PTPRC: variants seen among roughly 807,000 people sequenced by gnomAD.
The protein encoded by PTPRC is receptor-type tyrosine-protein phosphatase C.
In PTPRC, 44 loss-of-function variants were observed where a neutral mutation model predicts 155.9. That is an observed-to-expected ratio of 0.28 (90% CI 0.22 to 0.36). PTPRC has a LOEUF of 0.36. Among genes scored for constraint, PTPRC ranks in the 10% least tolerant of loss-of-function variants. The pLI, the probability that PTPRC is intolerant of heterozygous loss-of-function variation, is 1.00. For missense variants in PTPRC, 1,401 were observed against 1,564.6 expected (o/e 0.90, Z 1.76); for synonymous variants, 525 against 533.1 (o/e 0.98, Z 0.21).
chr1:198,662,729 T>C (rs1207574016), intron 2 of PTPRC, among the ~76,000 whole-genome samples: 1 of 152,180 alleles, frequency 6.6e-6, no homozygotes, highest in African/African-American at 2.4e-5. Context: ...TCCTTTCTCC[T>C]TTCCTAAAAT....
chr1:198,677,463 TA>T (rs1557989192), intron 2 of PTPRC, among the ~76,000 whole-genome samples: 1 of 151,862 alleles, frequency 6.6e-6, no homozygotes, highest in East Asian at 1.9e-4. Flanking sequence ...GCCACATTGC[TA>T]TTTTTTTTTT....
At chr1:198,639,995 G>C (rs556001295) in intron 2 of PTPRC, among the ~76,000 whole-genome samples, 1 of 151,970 alleles carries the variant, frequency 6.6e-6, no homozygotes, top group African/African-American at 2.4e-5. Context: ...TGGAGCCACC[G>C]CCCTTCCTGG....
In PTPRC at chr1:198,662,444, CTGTGTGTGTG is replaced by C. The variant is rs5779935; in HGVS notation, c.73+23128_73+23137del. Among the ~76,000 whole-genome samples the C allele has an allele frequency of 2.0e-3, 268 of 131,244 alleles. 1 individual carries two copies. Among genetic ancestry groups the C allele is most frequent in the African/African-American group, 6.9e-3 (238 of 34,706 alleles). 86.1% of individuals were successfully genotyped at this position (131,244 alleles called of 152,430 possible). A position where few individuals can be genotyped will look rare whatever the true frequency, so the allele number is the denominator to read the frequency against. On this transcript the variant is annotated intron_variant, in intron 2 of 32. Coordinates refer to ENST00000442510, the MANE Select transcript of PTPRC (RefSeq NM_002838.5). ...ATTTTGGCTGGGAATTTTCTGAGAGCTGTGTGTGTGTGTGTGTGTGTGTGTGTGTGTGTGA... is the reference window on the plus strand; with the variant it reads ...ATTTTGGCTGGGAATTTTCTGAGAGCTGTGTGTGTGTGTGTGTGTGTGTGA...
At chr1:198,695,179 A>G (rs1256438321) in intron 3 of PTPRC, 1 of 844,120 alleles carries the variant, frequency 1.2e-6, no homozygotes, top group East Asian at 1.2e-4. Flanking sequence ...TTATCATACT[A>G]TTTCCATTTT....
intron 12 of PTPRC, among the ~76,000 whole-genome samples, chr1:198,715,234 CGCCTCA>C (rs1240876639): frequency 6.6e-6 from 1 of 151,816 alleles, no homozygotes; most frequent in Non-Finnish European, 1.5e-5. Context: ...GCCATTCTCC[CGCCTCA>C]GCCTCCCTAG....
chr1:198,752,233 G>C lies in PTPRC; in HGVS notation c.3208-16G>C, dbSNP rs1364048656. The C allele has an allele frequency of 6.2e-7, 1 of 1,608,738 alleles. No homozygotes were observed. ...CAAATAGGAAACAAATTGTTGAATTGTCTTCTTTTATCTAGGAAATCTGTG... is the reference window on the plus strand; with the variant it reads ...CAAATAGGAAACAAATTGTTGAATTCTCTTCTTTTATCTAGGAAATCTGTG... On this transcript the variant is annotated splice_polypyrimidine_tract_variant and intron_variant, in intron 29 of 32. Coordinates refer to ENST00000442510, the MANE Select transcript of PTPRC (RefSeq NM_002838.5).
At chr1:198,716,879 A>G in intron 13 of PTPRC, 39 bp downstream of exon 13, 1 of 1,596,068 alleles carries the variant, frequency 6.3e-7, no homozygotes, top group East Asian at 2.2e-5. Flanking sequence ...CATAAATGGT[A>G]AAAAGCAAGG....
intron 2 of PTPRC, among the ~76,000 whole-genome samples, chr1:198,662,984 G>A (rs1017510925): frequency 7.9e-5 from 12 of 152,102 alleles, no homozygotes; most frequent in African/African-American, 2.2e-4. Flanking sequence ...GCTGAATTAC[G>A]CCTGACCCCT....
intron 30 of PTPRC, 98 bp downstream of exon 30, chr1:198,752,469 T>C: frequency 6.5e-7 from 1 of 1,538,814 alleles, no homozygotes; most frequent in South Asian, 1.1e-5. Flanking sequence ...ATCATATAAA[T>C]AATGTTTCAG....
intron 14 of PTPRC, among the ~76,000 whole-genome samples, chr1:198,721,443 G>A (rs371944613): frequency 2.0e-5 from 3 of 151,816 alleles, no homozygotes; most frequent in South Asian, 2.1e-4. Context: ...TGTCTATATC[G>A]TTTGTCACTA....
intron 20 of PTPRC, among the ~76,000 whole-genome samples, chr1:198,733,867 C>A (rs1461006048): frequency 6.6e-6 from 1 of 151,630 alleles, no homozygotes; most frequent in Non-Finnish European, 1.5e-5. Flanking sequence ...TAAGAGTTGG[C>A]AGGATATAAA....
intron 26 of PTPRC, among the ~76,000 whole-genome samples, chr1:198,746,898 T>C (rs928253634): frequency 6.6e-6 from 1 of 151,792 alleles, no homozygotes; most frequent in Admixed American, 6.6e-5. Context: ...AGTGATGATA[T>C]TTTCTTTCAC....
In PTPRC at chr1:198,690,727, A is replaced by G. The variant is rs74134784; in HGVS notation, c.74-1620A>G. ...ATAAAGGCAGAAAGTCACCTTAAGT[A>G]CCAGCTAATTCACTTTCCCATCTGA... is the stretch of plus-strand genomic sequence containing the variant. On this transcript the variant is annotated intron_variant, in intron 2 of 32. Coordinates refer to ENST00000442510, the MANE Select transcript of PTPRC (RefSeq NM_002838.5). Among the ~76,000 whole-genome samples, 539 of 152,222 alleles carry G rather than the reference A, an allele frequency of 3.5e-3. 3 individuals carry two copies. Among genetic ancestry groups the G allele is most frequent in the African/African-American group, 0.013 (520 of 41,562 alleles).
At chr1:198,748,058 G>GC (rs760081204) in intron 26 of PTPRC, 51 bp from the exon 27 acceptor site, 2 of 1,549,504 alleles carry the variant, frequency 1.3e-6, no homozygotes, top group South Asian at 2.4e-5. Flanking sequence ...GATGCAATAA[G>GC]CCAATATTTA....
At chr1:198,739,791 G>A (rs1654815612) in intron 23 of PTPRC, among the ~76,000 whole-genome samples, 1 of 151,634 alleles carries the variant, frequency 6.6e-6, no homozygotes, top group African/African-American at 2.4e-5. Context: ...CTTCTCCTCA[G>A]CCCATGGATC....
chr1:198,665,590 G>A (rs150400020), intron 2 of PTPRC, among the ~76,000 whole-genome samples: 1 of 152,174 alleles, frequency 6.6e-6, no homozygotes, highest in African/African-American at 2.4e-5. Flanking sequence ...GAGGTAACTG[G>A]GGTAACTATA....
chr1:198,756,282 T>C lies in PTPRC; in HGVS notation c.*101T>C, dbSNP rs1013426373. On this transcript the variant is annotated 3_prime_UTR_variant, in exon 33 of 33. Coordinates refer to ENST00000442510, the MANE Select transcript of PTPRC (RefSeq NM_002838.5). ...ATAGGTATACAGTGGATTAATTAAA[T>C]GCAGCGAACCAATATTTGTAGAAGG... 8.9e-5 allele frequency: 126 copies of C among 1,412,494 alleles called. No homozygotes were observed. Among genetic ancestry groups the C allele is most frequent in the Non-Finnish European group, 1.2e-4 (124 of 1,022,618 alleles). The allele number at this position is 1,412,494 out of a possible 1,614,324, so 87.5% of individuals were successfully genotyped here. A position where few individuals can be genotyped will look rare whatever the true frequency, so the allele number is the denominator to read the frequency against.
At chr1:198,672,561 C>T (rs1272583359) in intron 2 of PTPRC, among the ~76,000 whole-genome samples, 1 of 152,076 alleles carries the variant, frequency 6.6e-6, no homozygotes, top group Non-Finnish European at 1.5e-5. Context: ...CCTCCACCTC[C>T]AGGGTTCAAG....
At chr1:198,670,936 A>G (rs1001729055) in intron 2 of PTPRC, among the ~76,000 whole-genome samples, 1 of 152,156 alleles carries the variant, frequency 6.6e-6, no homozygotes, top group African/African-American at 2.4e-5. Context: ...CATAGCATTT[A>G]TTTTGCATTA....
Sources: allele counts gnomAD v4.1 joint callset (sites outside exome capture counted in the v4.1 genomes callset), GRCh38; gene constraint gnomAD v4.1.1; transcripts MANE v1.5; gene names NCBI Gene and HGNC (gene_info 2026-07-23, HGNC 2026-07-21).